Variants in STK3 observed in about 807,000 individuals in gnomAD.
The protein encoded by STK3 is serine/threonine kinase 3.
Under a neutral mutation model 58.0 loss-of-function variants are expected in STK3, and 41 were observed. The ratio of observed to expected loss-of-function variants is 0.71; its 90% confidence interval spans 0.55 to 0.92. The LOEUF (loss-of-function observed/expected upper bound fraction) is 0.92. Ranked by LOEUF, STK3 falls within the 40% of genes least tolerant of loss-of-function variation. The probability of loss-of-function intolerance (pLI) is 0.00; values close to 1 mark genes in which losing one functional copy is unlikely to be tolerated. For missense variants in STK3, 479 were observed against 602.7 expected (o/e 0.79, Z 2.15); for synonymous variants, 170 against 191.0 (o/e 0.89, Z 0.91).
At chr8:98,714,291 A>C (rs575802616) in intron 4 of STK3, among the ~76,000 whole-genome samples, 1 of 152,198 alleles carries the variant, frequency 6.6e-6, no homozygotes, top group Non-Finnish European at 1.5e-5. Context: ...GCAATTAGGC[A>C]GGAGAAGGAA....
At chr8:98,812,834 A>C (rs1306048206) in intron 1 of STK3, among the ~76,000 whole-genome samples, 1 of 152,212 alleles carries the variant, frequency 6.6e-6, no homozygotes, top group Non-Finnish European at 1.5e-5. Context: ...GGAATTGAAC[A>C]ATGAGAACAC....
chr8:98,656,274 G>T (rs1016358124), intron 6 of STK3, among the ~76,000 whole-genome samples: 2 of 151,272 alleles, frequency 1.3e-5, no homozygotes, highest in African/African-American at 4.9e-5. Flanking sequence ...TCATAGGTGG[G>T]AATTGAACAA....
At chr8:98,767,631 C>T (rs940922333) in intron 2 of STK3, among the ~76,000 whole-genome samples, 10 of 152,190 alleles carry the variant, frequency 6.6e-5, no homozygotes, top group Middle Eastern at 3.4e-3. Flanking sequence ...AACAGACTTG[C>T]GTTTGGTCAA....
At chr8:98,802,964 T>C (rs1318423047) in intron 1 of STK3, among the ~76,000 whole-genome samples, 1 of 152,204 alleles carries the variant, frequency 6.6e-6, no homozygotes, top group Admixed American at 6.5e-5. Flanking sequence ...CATTCACTGC[T>C]TTATCCCCAG....
In STK3 at chr8:98,931,449, G is replaced by A. The variant is rs149693853; in HGVS notation, c.-79+10929C>T. On this transcript the variant is annotated intron_variant, in intron 1 of 1. Transcript: ENST00000519420. ...GGAATAACCACTCCTACCCCGACCCGGCCTGCGCCAGCCTGATCCCTCATG... is the reference window on the plus strand; with the variant it reads ...GGAATAACCACTCCTACCCCGACCCAGCCTGCGCCAGCCTGATCCCTCATG... Among the ~76,000 whole-genome samples, 94 of 152,216 alleles carry A rather than the reference G, an allele frequency of 6.2e-4. 1 individual carries two copies. Among genetic ancestry groups the A allele is most frequent in the African/African-American group, 1.9e-3 (79 of 41,528 alleles).
chr8:98,480,973 A>T (rs192423640), intron 10 of STK3, among the ~76,000 whole-genome samples: 160 of 152,320 alleles, frequency 1.1e-3, no homozygotes, highest in African/African-American at 3.7e-3. Flanking sequence ...ATATATTAAA[A>T]TTTTTTATAC....
At chr8:98,407,312 T>C (rs1345188462) in intron 3 of STK3, among the ~76,000 whole-genome samples, 1 of 152,202 alleles carries the variant, frequency 6.6e-6, no homozygotes, top group Admixed American at 6.5e-5. Flanking sequence ...TGACTCAAGC[T>C]GAACTTGCTA....
chr8:98,413,068 C>T, intron 3 of STK3: 1 of 245,790 alleles, frequency 4.1e-6, no homozygotes, highest in Non-Finnish European at 7.9e-6. Flanking sequence ...GGTTGGAGTG[C>T]AGTGGCGCGA....
At chr8:98,841,530 A>G (rs1835981773) in intron 3 of STK3, among the ~76,000 whole-genome samples, 2 of 151,738 alleles carry the variant, frequency 1.3e-5, no homozygotes, top group African/African-American at 4.8e-5. Flanking sequence ...TAAAAAAAGA[A>G]AAAAAAAGTA....
chr8:98,345,332 G>C, the STK3 span, among the ~76,000 whole-genome samples: 2 of 151,972 alleles, frequency 1.3e-5, no homozygotes, highest in Non-Finnish European at 2.9e-5. Context: ...AAAACCACTC[G>C]TTTGCATGTA....
At chr8:98,650,703 G>T (rs1038476279) in intron 6 of STK3, among the ~76,000 whole-genome samples, 1 of 152,196 alleles carries the variant, frequency 6.6e-6, no homozygotes, top group African/African-American at 2.4e-5. Context: ...CCCATGGCTC[G>T]GAGGGTCCTA....
intron 1 of STK3, among the ~76,000 whole-genome samples, chr8:98,385,591 C>CT (rs1817782627): frequency 6.6e-6 from 1 of 152,132 alleles, no homozygotes; most frequent in African/African-American, 2.4e-5. Context: ...CCTGAATGGG[C>CT]AAATGATGAC....
At chr8:98,571,991 C>T (rs1328413043) in intron 8 of STK3, among the ~76,000 whole-genome samples, 3 of 152,156 alleles carry the variant, frequency 2.0e-5, no homozygotes, top group African/African-American at 7.2e-5. Context: ...CTTATAAATT[C>T]AATTAACATC....
At position 98,588,090 on chromosome 8, in the gene STK3, C is replaced by A. The variant is rs957834208; in HGVS notation, c.822+7942G>T. On this transcript the variant is annotated intron_variant, in intron 7 of 10. Transcript: ENST00000419617. ...GTGTGTTTTAATTGGAGCATTTGGT[C>A]CATTTACATTTAAAGTTAATATTGT... Among the ~76,000 whole-genome samples the A allele has an allele frequency of 3.3e-5, 5 of 152,110 alleles. No homozygotes were observed. In the East Asian group the frequency reaches 9.7e-4, roughly 29 times the overall value.
rs111544719 is a variant in STK3 at position 98,540,058 on chromosome 8, C to T, written c.1141+7911G>A. Among the ~76,000 whole-genome samples, 147 of 152,244 alleles carry T rather than the reference C, an allele frequency of 9.7e-4. 1 individual carries two copies. The highest frequency in any genetic ancestry group is 3.5e-3 in the African/African-American group (145 of 41,568). ...CGTGAGCCACTGCGCCCGGCCTCTCCACCCATTCTTAATACAACATGGTCT... is the reference window on the plus strand; with the variant it reads ...CGTGAGCCACTGCGCCCGGCCTCTCTACCCATTCTTAATACAACATGGTCT... On this transcript the variant is annotated intron_variant, in intron 9 of 10. Transcript: ENST00000419617.
At chr8:98,441,524 C>T (rs998862101) in intron 1 of STK3, among the ~76,000 whole-genome samples, 1 of 152,150 alleles carries the variant, frequency 6.6e-6, no homozygotes, top group African/African-American at 2.4e-5. Context: ...GGTTCTAGCC[C>T]CCTCGTTTCT....
At chr8:98,614,908 T>A in intron 6 of STK3, among the ~76,000 whole-genome samples, 1 of 152,166 alleles carries the variant, frequency 6.6e-6, no homozygotes, top group South Asian at 2.1e-4. Context: ...TTGCCCGGGC[T>A]TGCTTAGGTA....
At chr8:98,711,383 G>GA (rs1249925881) in intron 4 of STK3, among the ~76,000 whole-genome samples, 3 of 151,114 alleles carry the variant, frequency 2.0e-5, no homozygotes, top group East Asian at 1.9e-4. Flanking sequence ...TAAAAACCTT[G>GA]AAAAAAAAAT....
At chr8:98,592,541 T>C (rs928679520) in intron 7 of STK3, among the ~76,000 whole-genome samples, 1 of 151,876 alleles carries the variant, frequency 6.6e-6, no homozygotes, top group Non-Finnish European at 1.5e-5. Context: ...GTTTTTGGGG[T>C]GTGTGTGTGA....
Sources: gnomAD v4.1 joint callset for allele counts (sites outside exome capture counted in the v4.1 genomes callset) on GRCh38, gnomAD v4.1.1 for gene constraint, MANE v1.5 for transcripts, NCBI Gene and HGNC (gene_info 2026-07-23, HGNC 2026-07-21) for gene names.